Variants in TIMD4 observed in about 807,000 individuals in gnomAD.
TIMD4 encodes the protein T cell immunoglobulin and mucin domain containing 4.
Under a neutral mutation model 41.2 loss-of-function variants are expected in TIMD4, and 31 were observed. The ratio of observed to expected loss-of-function variants is 0.75; its 90% CI spans 0.57 to 1.01. The LOEUF is 1.01. Ranked by LOEUF, TIMD4 falls within the 50% of genes least tolerant of loss-of-function variation. The pLI is 0.00. For synonymous variants in TIMD4, 204 were observed against 177.1 expected, an observed-to-expected ratio of 1.15 and a Z score of -1.21; for missense variants, 479 against 472.5, an observed-to-expected ratio of 1.01 and a Z score of -0.13.
Position 156,922,224 on chromosome 5 carries a change from G to T in TIMD4, c.895-8C>A. On this transcript the variant is annotated splice_polypyrimidine_tract_variant and splice_region_variant and intron_variant, in intron 6 of 8. Transcript: ENST00000274532. ...CATGGGTATTCCATCCATCTGATGG[G>T]ACACAGGCAAGGAGATGGACCCAGT... 6.2e-7 allele frequency: 1 copy of T among 1,604,118 alleles called. No individual in the cohort carries two copies. Among genetic ancestry groups the T allele is most frequent in the Non-Finnish European group, 8.5e-7 (1 of 1,171,196 alleles).
At chr5:156,956,007 T>G (rs1308318036) in intron 1 of TIMD4, among the ~76,000 whole-genome samples, 1 of 152,226 alleles carries the variant, frequency 6.6e-6, no homozygotes, top group East Asian at 1.9e-4. Flanking sequence ...ATTAGCAATT[T>G]TGAAATATAC....
rs191503247 is a variant in TIMD4 at position 156,946,479 on chromosome 5, T to G, written c.844+1937A>C. Among the ~76,000 whole-genome samples the G allele has an allele frequency of 3.7e-3, 568 of 152,186 alleles. 6 individuals carry two copies. The highest frequency in any genetic ancestry group is 0.013 in the African/African-American group (540 of 41,512). ...CTGTTTCCTCCAACTCTGAGCTTTT[T>G]TTTGTTTGTTTGTTTTGAGACGGAG... On this transcript the variant is annotated intron_variant, in intron 5 of 8. Coordinates refer to ENST00000274532, the MANE Select transcript of TIMD4 (RefSeq NM_138379.3).
At chr5:156,925,073 C>T (rs1242535850) in intron 6 of TIMD4, among the ~76,000 whole-genome samples, 1 of 152,144 alleles carries the variant, frequency 6.6e-6, no homozygotes, top group African/African-American at 2.4e-5. Flanking sequence ...CTTTGGGAGG[C>T]CAAGATGGGT....
rs1172891418 is a variant in TIMD4 at position 156,926,193 on chromosome 5, C to A, written c.894+70G>T. ...TGCTGGGATTATAGGCATGAGCCAC[C>A]GTGCCTGGCCACTACTGTGGATTTT... On this transcript the variant is annotated intron_variant, in intron 6 of 8. Coordinates refer to ENST00000274532, the MANE Select transcript of TIMD4 (RefSeq NM_138379.3). The A allele has an allele frequency of 2.0e-6, 3 of 1,537,462 alleles. No individual in the cohort carries two copies. The East Asian group carries it at 6.9e-5, about 35-fold the overall frequency.
chr5:156,934,285 G>A (rs967123321), intron 5 of TIMD4, among the ~76,000 whole-genome samples: 6 of 151,912 alleles, frequency 3.9e-5, no homozygotes, highest in African/African-American at 1.2e-4. Context: ...TTGTTCTGTC[G>A]CCTAGGCTTA....
In TIMD4 at chr5:156,960,406, T is replaced by C. The variant is rs1181913632; in HGVS notation, c.58+2735A>G. Among the ~76,000 whole-genome samples the C allele has an allele frequency of 7.3e-3, 741 of 101,042 alleles. 3 individuals carry two copies. The highest frequency in any genetic ancestry group is 0.024 in the African/African-American group (534 of 22,086). 66.3% of individuals were successfully genotyped at this position (101,042 alleles called of 152,430 possible). On this transcript the variant is annotated intron_variant, in intron 1 of 8. Coordinates refer to ENST00000274532, the MANE Select transcript of TIMD4 (RefSeq NM_138379.3). ...CTGTAGATTGTTTTTTTCTTCCCCCTTTTTTTTTTTTTTTTTTTCAGAAAG... is the reference window on the plus strand; with the variant it reads ...CTGTAGATTGTTTTTTTCTTCCCCCCTTTTTTTTTTTTTTTTTTCAGAAAG...
chr5:156,958,002 G>A (rs1229845010), intron 1 of TIMD4, among the ~76,000 whole-genome samples: 3 of 152,036 alleles, frequency 2.0e-5, no homozygotes, highest in Non-Finnish European at 2.9e-5. Context: ...GGCCGGGCGC[G>A]GTGGCTCACA....
intron 5 of TIMD4, among the ~76,000 whole-genome samples, chr5:156,938,309 G>A (rs1415205155): frequency 6.6e-6 from 1 of 152,022 alleles, no homozygotes; most frequent in Non-Finnish European, 1.5e-5. Flanking sequence ...TTGGGACCAG[G>A]GCTGTGGCTT....
chr5:156,926,632 ATT>A lies in TIMD4; in HGVS notation c.845-322_845-321del, dbSNP rs531292706. 2.2e-4 allele frequency among the ~76,000 whole-genome samples: 33 copies of A among 152,306 alleles called. No homozygotes were observed. The South Asian group carries it at 6.0e-3, about 28-fold the overall frequency. On this transcript the variant is annotated intron_variant, in intron 5 of 8. Coordinates refer to ENST00000274532, the MANE Select transcript of TIMD4 (RefSeq NM_138379.3). ...TTCAGGATTTTTATCCGGCAAGAAA[ATT>A]TGTCAGTTTTCTAGTTAATAAATAT...
intron 5 of TIMD4, among the ~76,000 whole-genome samples, chr5:156,938,331 T>C (rs1354392269): frequency 6.6e-6 from 1 of 152,204 alleles, no homozygotes; most frequent in Non-Finnish European, 1.5e-5. Flanking sequence ...AAAAGACTCA[T>C]CTGAGGTTTG....
intron 1 of TIMD4, among the ~76,000 whole-genome samples, chr5:156,959,382 G>A (rs940578540): frequency 6.6e-6 from 1 of 152,222 alleles, no homozygotes; most frequent in African/African-American, 2.4e-5. Context: ...CACTTGAAGA[G>A]GAGTAACAAA....
intron 3 of TIMD4, 98 bp downstream of exon 3, chr5:156,951,414 G>A (rs1047539411): frequency 5.4e-5 from 79 of 1,451,052 alleles, no homozygotes; most frequent in African/African-American, 5.1e-4. Flanking sequence ...ATGTGTACAC[G>A]CACACACTCA....
chr5:156,919,565 A>G, intron 8 of TIMD4, 24 bp from the exon 9 acceptor site: 1 of 1,590,654 alleles, frequency 6.3e-7, no homozygotes, highest in South Asian at 1.1e-5. Context: ...AGAGGGGCTC[A>G]TAATGGGAAA....
rs1759219322 is a variant in TIMD4 at position 156,920,627 on chromosome 5, T to C, written c.1013-124A>G. On this transcript the variant is annotated intron_variant, in intron 7 of 8. Transcript: ENST00000274532. ...TGGGCCAAAGGTGAGAACCAGTGGC[T>C]GGCTTTGGCAGAAAAAGCCATTCCC... is the stretch of plus-strand genomic sequence containing the variant. 4.5e-5 allele frequency: 44 copies of C among 972,664 alleles called. No homozygotes were observed. In the South Asian group the frequency reaches 5.8e-4, roughly 13 times the overall value. 60.3% of individuals were successfully genotyped at this position (972,664 alleles called of 1,614,324 possible).
chr5:156,930,653 C>G (rs1180331183), intron 5 of TIMD4, among the ~76,000 whole-genome samples: 1 of 152,156 alleles, frequency 6.6e-6, no homozygotes, highest in Non-Finnish European at 1.5e-5. Context: ...TTATTTATAC[C>G]TTATCTTTTA....
chr5:156,943,235 A>G (rs1446214584), intron 5 of TIMD4, among the ~76,000 whole-genome samples: 1 of 152,234 alleles, frequency 6.6e-6, no homozygotes, highest in Non-Finnish European at 1.5e-5. Context: ...AGAAAAAAAT[A>G]GAAGTTCTTC....
At chr5:156,928,171 G>A (rs1211512535) in intron 5 of TIMD4, among the ~76,000 whole-genome samples, 5 of 152,104 alleles carry the variant, frequency 3.3e-5, no homozygotes, top group South Asian at 2.1e-4. Context: ...GGTGGTGTGC[G>A]CCTGTAGTCC....
chr5:156,951,721 G>A lies in TIMD4; in HGVS notation c.470C>T (p.Thr157Ile). ...AGCTGGGGTTGTTGTCATTTGTCGGGTGGTGGTGGGGCTTGTTGTTGTTGT... is the reference window on the plus strand; with the variant it reads ...AGCTGGGGTTGTTGTCATTTGTCGGATGGTGGTGGGGCTTGTTGTTGTTGT... The part of the protein sequence containing the change: ...RRTTTTSPTT[T>I]RQMTTTPAAL... Residue 157 changes from threonine to isoleucine, a missense_variant, in exon 3 of 9, where the codon ACC becomes ATC. By Grantham distance (89) the Thr-to-Ile change is moderately conservative. Transcript: ENST00000274532. 6.2e-7 allele frequency: 1 copy of A among 1,614,134 alleles called. No individual in the cohort carries two copies. The highest frequency in any genetic ancestry group is 8.5e-7 in the Non-Finnish European group (1 of 1,180,022).
intron 6 of TIMD4, among the ~76,000 whole-genome samples, chr5:156,923,736 G>A (rs373560694): frequency 3.3e-4 from 50 of 150,712 alleles, no homozygotes; most frequent in African/African-American, 1.2e-3. Context: ...TGTAGAGACA[G>A]AGTCTCACTA....
Sources: gnomAD v4.1 joint callset for allele counts (sites outside exome capture counted in the v4.1 genomes callset) on GRCh38, gnomAD v4.1.1 for gene constraint, MANE v1.5 for transcripts, NCBI Gene and HGNC (gene_info 2026-07-23, HGNC 2026-07-21) for gene names.